Variants in DCTN3 observed in about 807,000 individuals in gnomAD.
DCTN3 encodes the protein dynactin subunit 3.
A neutral mutation model predicts 28.4 loss-of-function variants in DCTN3; 25 were observed. The ratio of observed to expected loss-of-function variants is 0.88; its 90% CI spans 0.64 to 1.23. The LOEUF is 1.23. DCTN3 is among the 50% of genes most tolerant of loss of function. The pLI, the probability that DCTN3 is intolerant of heterozygous loss-of-function variation, is 0.00. For missense variants in DCTN3, 229 were observed against 232.0 expected, an observed-to-expected ratio of 0.99 and a Z score of 0.08; for synonymous variants, 81 against 91.4, an observed-to-expected ratio of 0.89 and a Z score of 0.65.
intron 5 of DCTN3, 42 bp downstream of exon 5, chr9:34,614,668 C>A (rs1469278781): frequency 6.2e-7 from 1 of 1,611,012 alleles, no homozygotes; most frequent in African/African-American, 1.3e-5. Context: ...TGAGGTGCTG[C>A]GCCACCTCCA....
At chr9:34,615,936 C>T (rs552408188) in intron 4 of DCTN3, 94 bp downstream of exon 4, 47 of 1,042,794 alleles carry the variant, frequency 4.5e-5, no homozygotes, top group African/African-American at 2.8e-4. Flanking sequence ...AGACCCAACC[C>T]GAATCCACAC....
intron 4 of DCTN3, chr9:34,615,025 ACCCC>A: frequency 2.0e-6 from 1 of 504,178 alleles, no homozygotes; most frequent in African/African-American, 1.9e-5. Flanking sequence ...GTTGCTCCCT[ACCCC>A]CACCCCAGTG....
At position 34,618,729 on chromosome 9, in the gene DCTN3, G is replaced by T. The variant is rs1219735310; in HGVS notation, c.128C>A (p.Ala43Asp). Residue 43 changes from alanine (A) to aspartate (D), a missense_variant, in exon 2 of 7, where the codon GCT (alanine) becomes GAT (aspartate). By Grantham distance (126) the Ala-to-Asp change is moderately radical. Coordinates refer to ENST00000259632, the MANE Select transcript of DCTN3 (RefSeq NM_007234.5). ...VADGLVKVQV[A>D]LGNISSKRER... ...CCTCTTGCTGGAAATGTTCCCCAAA[G>T]CCACCTGCACCTTGACCAGGCCGTC... 2 of 1,614,164 alleles carry T rather than the reference G, an allele frequency of 1.2e-6. No homozygotes were observed. The highest frequency in any genetic ancestry group is 1.6e-4 in the Middle Eastern group (1 of 6,062).
chr9:34,618,397 A>G (rs1350670345), intron 2 of DCTN3, among the ~76,000 whole-genome samples: 4 of 152,174 alleles, frequency 2.6e-5, no homozygotes, highest in Non-Finnish European at 5.9e-5. Flanking sequence ...CTTGCCTGGG[A>G]AATCCCATAC....
intron 1 of DCTN3, 56 bp from the exon 2 acceptor site, chr9:34,618,816 A>G: frequency 7.2e-7 from 1 of 1,381,266 alleles, no homozygotes. Context: ...AAGGCTTGGA[A>G]AAGTTAAAGA....
intron 1 of DCTN3, 82 bp downstream of exon 1, chr9:34,620,287 G>T: frequency 8.2e-7 from 1 of 1,212,990 alleles, no homozygotes; most frequent in Non-Finnish European, 1.2e-6. Context: ...GAACAGGACT[G>T]GAGCGGTTGC....
Position 34,616,025 on chromosome 9 carries a change from G to C in DCTN3, c.352+5C>G. The C allele has an allele frequency of 6.2e-7, 1 of 1,613,024 alleles. No individual in the cohort carries two copies. Among genetic ancestry groups the C allele is most frequent in the Non-Finnish European group, 8.5e-7 (1 of 1,179,128 alleles). The stretch of plus-strand genomic sequence containing the variant: ...AGTAGTGAAGCTATAACCCCAGAGA[G>C]ATACCTTTGATGTGAGCACTGTCCA... On this transcript the variant is annotated splice_donor_5th_base_variant and intron_variant, in intron 4 of 6. Transcript: ENST00000259632. This position sits in a 1 kb window ranked among gnomAD's most constrained non-coding sequence, Gnocchi z 4.7.
At chr9:34,618,086 C>G in intron 2 of DCTN3, 115 bp from the exon 3 acceptor site, 1 of 954,962 alleles carries the variant, frequency 1.0e-6, no homozygotes, top group Non-Finnish European at 1.5e-6. Flanking sequence ...GGAGCTGATA[C>G]CCAACAGTGC....
intron 4 of DCTN3, chr9:34,615,826 A>T (rs116485066): frequency 4.8e-5 from 20 of 416,542 alleles, no homozygotes; most frequent in African/African-American, 4.0e-4. Flanking sequence ...TGTTTGAACC[A>T]GGAGGCAGCG....
intron 4 of DCTN3, chr9:34,615,710 G>C: frequency 5.0e-6 from 1 of 200,562 alleles, no homozygotes; most frequent in East Asian, 1.4e-4. Context: ...CCAGGAGTTT[G>C]AGACCAGCCT....
intron 5 of DCTN3, 61 bp downstream of exon 5, chr9:34,614,649 G>A (rs1318875166): frequency 1.3e-6 from 2 of 1,591,486 alleles, no homozygotes; most frequent in Non-Finnish European, 1.7e-6. Context: ...CAGGTGGCAT[G>A]AGTTGGGATG....
chr9:34,617,875 C>T lies in DCTN3; in HGVS notation c.268+10G>A, dbSNP rs769363969. The T allele has an allele frequency of 6.2e-7, 1 of 1,613,706 alleles. No homozygotes were observed. Among genetic ancestry groups the T allele is most frequent in the Admixed American group, 1.7e-5 (1 of 59,984 alleles). On this transcript the variant is annotated intron_variant, in intron 3 of 6. Transcript: ENST00000259632. Reference sequence around the variant, plus strand: ...CCTCAGATGCATGTACACATGTAGTCCAGCATTACCTGCTAGGATGAATTG... The same window carrying T: ...CCTCAGATGCATGTACACATGTAGTTCAGCATTACCTGCTAGGATGAATTG...
At position 34,613,664 on chromosome 9, in the gene DCTN3, G is replaced by C; in HGVS notation, c.*118C>G. The C allele has an allele frequency of 7.2e-7, 1 of 1,391,394 alleles. No homozygotes were observed. Among genetic ancestry groups the C allele is most frequent in the Admixed American group, 2.3e-5 (1 of 44,146 alleles). The allele number at this position is 1,391,394 out of a possible 1,614,324, so 86.2% of individuals were successfully genotyped here. On this transcript the variant is annotated 3_prime_UTR_variant, in exon 7 of 7. Coordinates refer to ENST00000259632, the MANE Select transcript of DCTN3 (RefSeq NM_007234.5). ...CTCCAACTTTAGAGCCCAGAGTACA[G>C]AGAGGTGGGCCTTGAAGCCAATAAA...
intron 2 of DCTN3, among the ~76,000 whole-genome samples, chr9:34,618,424 C>T (rs987763714): frequency 2.0e-5 from 3 of 152,232 alleles, no homozygotes; most frequent in African/African-American, 7.2e-5. Flanking sequence ...TACCCTCCTT[C>T]ACCAAGAGAA....
At chr9:34,617,761 A>G (rs1253765080) in intron 3 of DCTN3, 124 bp downstream of exon 3, 2 of 1,534,370 alleles carry the variant, frequency 1.3e-6, no homozygotes. Flanking sequence ...CCAGGCCACA[A>G]TTCCAGAGAG....
chr9:34,618,086 C>T (rs1182939826), intron 2 of DCTN3, 115 bp from the exon 3 acceptor site: 6 of 954,844 alleles, frequency 6.3e-6, no homozygotes, highest in South Asian at 1.6e-5. Flanking sequence ...GGAGCTGATA[C>T]CCAACAGTGC....
Position 34,613,664 on chromosome 9 carries a change from G to T in DCTN3, c.*118C>A. On this transcript the variant is annotated 3_prime_UTR_variant, in exon 7 of 7. Transcript: ENST00000259632. Reference sequence around the variant, plus strand: ...CTCCAACTTTAGAGCCCAGAGTACAGAGAGGTGGGCCTTGAAGCCAATAAA... The same window carrying T: ...CTCCAACTTTAGAGCCCAGAGTACATAGAGGTGGGCCTTGAAGCCAATAAA... The T allele has an allele frequency of 2.2e-6, 3 of 1,391,392 alleles. No homozygotes were observed. In the East Asian group the frequency reaches 8.0e-5, roughly 37 times the overall value. 86.2% of individuals were successfully genotyped at this position (1,391,392 alleles called of 1,614,324 possible).
Position 34,620,411 on chromosome 9 carries a change from C to G in DCTN3, c.54G>C (p.Glu18Asp). The change falls in exon 1 of 7, where the codon GAG becomes GAC. Residue 18 changes from glutamate (E) to aspartate (D), a missense_variant. Transcript: ENST00000259632. The part of the protein sequence containing the change: ...QRLQARVEEL[E>D]RWVYGPGGAR... ...CCCCGCCCGGCCCGTACACCCAGCG[C>G]TCCAGCTCTTCCACTCGGGCCTGTA... 6.3e-7 allele frequency: 1 copy of G among 1,574,900 alleles called. No homozygotes were observed. Among genetic ancestry groups the G allele is most frequent in the South Asian group, 1.2e-5 (1 of 86,622 alleles).
intron 5 of DCTN3, 153 bp downstream of exon 5, chr9:34,614,557 C>G: frequency 2.5e-6 from 2 of 809,302 alleles, no homozygotes; most frequent in East Asian, 2.6e-5. Context: ...GTCCCTTTAC[C>G]TCCCTGGGGC....
Sources: gnomAD v4.1 joint callset for allele counts (sites outside exome capture counted in the v4.1 genomes callset) on GRCh38, gnomAD v4.1.1 for gene constraint, Gnocchi (gnomAD v3.1) non-coding constraint, MANE v1.5 for transcripts, NCBI Gene and HGNC (gene_info 2026-07-23, HGNC 2026-07-21) for gene names.